Variants in PHACTR2 observed in about 807,000 individuals in gnomAD.
PHACTR2 encodes phosphatase and actin regulator 2.
In PHACTR2, 30 loss-of-function variants were observed where a neutral mutation model predicts 76.0. That is an observed-to-expected ratio of 0.39 (90% CI 0.30 to 0.54). The LOEUF is 0.54. Among genes scored for constraint, PHACTR2 ranks in the 20% least tolerant of loss-of-function variants. PHACTR2 has a pLI of 0.61. For missense variants in PHACTR2, 696 were observed against 781.1 expected (o/e 0.89, Z 1.30); for synonymous variants, 292 against 292.5 (o/e 1.00, Z 0.02).
rs574249874 is a variant in PHACTR2, at chr6:143,619,530, A to T, written c.13+11208A>T. On this transcript the variant is annotated intron_variant, in intron 1 of 11. Coordinates refer to the PHACTR2 transcript ENST00000305766. The surrounding 1 kb of genome is among the most constrained non-coding windows in gnomAD (Gnocchi z 4.5). ...CCCTACTGAAGGGTACACAGTGTTG[A>T]CCTGTACACAAAGAAGCATCTTTCT... is the stretch of plus-strand genomic sequence containing the variant. 1.3e-5 allele frequency among the ~76,000 whole-genome samples: 2 copies of T among 152,206 alleles called. No homozygotes were observed. The highest frequency in any genetic ancestry group is 6.5e-5 in the Admixed American group (1 of 15,288).
rs1054256929 is a variant in PHACTR2 at position 143,784,250 on chromosome 6, A to T, written c.1707+970A>T. 1.3e-5 allele frequency among the ~76,000 whole-genome samples: 2 copies of T among 152,196 alleles called. No individual in the cohort carries two copies. The highest frequency in any genetic ancestry group is 4.8e-5 in the African/African-American group (2 of 41,448). ...GCCTGCCTGCTACAGTGCTACCCAGATTGACAAATGTCTTACCTCCCAAAC... is the reference window on the plus strand; with the variant it reads ...GCCTGCCTGCTACAGTGCTACCCAGTTTGACAAATGTCTTACCTCCCAAAC... On this transcript the variant is annotated intron_variant, in intron 10 of 12. Coordinates refer to ENST00000440869, the MANE Select transcript of PHACTR2 (RefSeq NM_001100164.2). This position sits in a 1 kb window ranked among gnomAD's most constrained non-coding sequence, Gnocchi z 4.5.
intron 1 of PHACTR2, among the ~76,000 whole-genome samples, chr6:143,626,362 C>T (rs904624964): frequency 3.3e-5 from 5 of 151,902 alleles, no homozygotes; most frequent in Non-Finnish European, 7.4e-5. Flanking sequence ...ACGGTGAAAC[C>T]CCGTCTCTAC....
chr6:143,657,670 G>A (rs1265382426), intron 1 of PHACTR2, among the ~76,000 whole-genome samples: 2 of 152,202 alleles, frequency 1.3e-5, no homozygotes, highest in Non-Finnish European at 2.9e-5. Flanking sequence ...GAGCAGATTG[G>A]GGAATAGAGC....
chr6:143,686,891 G>A (rs536756681), intron 1 of PHACTR2, among the ~76,000 whole-genome samples: 2 of 152,118 alleles, frequency 1.3e-5, no homozygotes, highest in Admixed American at 6.5e-5. Context: ...GACCTTGACC[G>A]TAATTAAAGT....
Position 143,824,227 on chromosome 6 carries a change from CA to C in PHACTR2, c.*541del, listed in dbSNP as rs1776489731. 6.4e-6 allele frequency: 1 copy of C among 156,792 alleles called. No homozygotes were observed. The highest frequency in any genetic ancestry group is 2.4e-5 in the African/African-American group (1 of 41,466). The allele number at this position is 156,792 out of a possible 1,614,324, so 9.7% of individuals were successfully genotyped here. ...ATTTAACCTCCTGATGTGGATTCCTCAAAGACTTGATCGGAGAATACTCTTG... is the reference window on the plus strand; with the variant it reads ...ATTTAACCTCCTGATGTGGATTCCTCAAGACTTGATCGGAGAATACTCTTG... On this transcript the variant is annotated 3_prime_UTR_variant, in exon 13 of 13. Transcript: ENST00000440869. The surrounding 1 kb of genome is among the most constrained non-coding windows in gnomAD (Gnocchi z 6.3).
At position 143,819,581 on chromosome 6, in the gene PHACTR2, G is replaced by A. The variant is rs565477232; in HGVS notation, c.1923-4093G>A. 6.6e-6 allele frequency among the ~76,000 whole-genome samples: 1 copy of A among 152,310 alleles called. No individual in the cohort carries two copies. Among genetic ancestry groups the A allele is most frequent in the East Asian group, 1.9e-4 (1 of 5,182 alleles). ...CAAGGCTGGAGGCCTGAGAGCTCGA[G>A]GCAGTGGGGAGTACTGGTGTAAGTT... On this transcript the variant is annotated intron_variant, in intron 12 of 12. Coordinates refer to ENST00000440869, the MANE Select transcript of PHACTR2 (RefSeq NM_001100164.2). The surrounding 1 kb of genome is among the most constrained non-coding windows in gnomAD (Gnocchi z 5.0).
At chr6:143,620,024 T>G (rs1332024395) in intron 1 of PHACTR2, among the ~76,000 whole-genome samples, 1 of 152,168 alleles carries the variant, frequency 6.6e-6, no homozygotes, top group East Asian at 1.9e-4. Flanking sequence ...TAGGGTCACT[T>G]TTTTAAGTTA....
At chr6:143,723,898 C>T (rs1778499373) in intron 2 of PHACTR2, among the ~76,000 whole-genome samples, 1 of 152,118 alleles carries the variant, frequency 6.6e-6, no homozygotes. Flanking sequence ...CCTATTTTTT[C>T]CTCAAAACAT....
chr6:143,719,930 G>A (rs2128463003), intron 2 of PHACTR2, among the ~76,000 whole-genome samples: 1 of 148,352 alleles, frequency 6.7e-6, no homozygotes, highest in Middle Eastern at 3.6e-3. Flanking sequence ...TCCTGCCTCA[G>A]CCTTCTGAGT....
rs1777832134 is a variant in PHACTR2, at chr6:143,698,823, G to A, written c.47-13193G>A. On this transcript the variant is annotated intron_variant, in intron 1 of 12. Transcript: ENST00000440869. This position sits in a 1 kb window ranked among gnomAD's most constrained non-coding sequence, Gnocchi z 4.3. ...GCTGCTCAGTTAATTGTGCATGAAT[G>A]TTTCCGTTCCACAGTGAACACACTT... 6.6e-6 allele frequency among the ~76,000 whole-genome samples: 1 copy of A among 152,192 alleles called. No homozygotes were observed. Among genetic ancestry groups the A allele is most frequent in the South Asian group, 2.1e-4 (1 of 4,828 alleles).
chr6:143,805,239 GGAGGCC>G (rs1776037810), intron 11 of PHACTR2, among the ~76,000 whole-genome samples: 1 of 152,138 alleles, frequency 6.6e-6, no homozygotes, highest in African/African-American at 2.4e-5. Flanking sequence ...CAGCATTTTG[GGAGGCC>G]GAGGCGGGCG....
Position 143,539,858 on chromosome 6 carries a change from C to T in PHACTR2, c.217+2651C>T, listed in dbSNP as rs890625210. Reference sequence around the variant, plus strand: ...ACACTGGTTTTCAAACTTGGCTACACGTAGGAATTGCTTGGGGAGTTAACA... The same window carrying T: ...ACACTGGTTTTCAAACTTGGCTACATGTAGGAATTGCTTGGGGAGTTAACA... On this transcript the variant is annotated intron_variant, in intron 1 of 11. Coordinates refer to the PHACTR2 transcript ENST00000367584. The surrounding 1 kb of genome is among the most constrained non-coding windows in gnomAD (Gnocchi z 4.3). Among the ~76,000 whole-genome samples, 3 of 152,180 alleles carry T rather than the reference C, an allele frequency of 2.0e-5. No homozygotes were observed. Among genetic ancestry groups the T allele is most frequent in the African/African-American group, 7.2e-5 (3 of 41,440 alleles).
Position 143,648,456 on chromosome 6 carries a change from G to A in PHACTR2, c.13+40134G>A, listed in dbSNP as rs769727077. ...TCTCTGCACTGGGAGTCCCTGGGAG[G>A]GGGGGACGAGGAGGAACAGACCAAA... is the stretch of plus-strand genomic sequence containing the variant. On this transcript the variant is annotated intron_variant, in intron 1 of 11. Transcript: ENST00000305766. This position sits in a 1 kb window ranked among gnomAD's most constrained non-coding sequence, Gnocchi z 6.7. Among the ~76,000 whole-genome samples, 2 of 152,138 alleles carry A rather than the reference G, an allele frequency of 1.3e-5. No homozygotes were observed. Among genetic ancestry groups the A allele is most frequent in the Non-Finnish European group, 2.9e-5 (2 of 68,020 alleles).
Position 143,772,507 on chromosome 6 carries a change from C to T in PHACTR2, c.1432+50C>T, listed in dbSNP as rs1205967431. ...GAGGAGCGTGGGTGATAAGCAGAAG[C>T]AGCTGCAGTTTATAAAGAATAAAAG... On this transcript the variant is annotated intron_variant, in intron 7 of 12. Transcript: ENST00000440869. The surrounding 1 kb of genome is among the most constrained non-coding windows in gnomAD (Gnocchi z 5.4). 1.5e-6 allele frequency: 2 copies of T among 1,337,604 alleles called. No homozygotes were observed. The highest frequency in any genetic ancestry group is 1.2e-5 in the South Asian group (1 of 81,942). 82.9% of individuals were successfully genotyped at this position (1,337,604 alleles called of 1,614,324 possible).
chr6:143,734,744 C>G (rs972255868), intron 2 of PHACTR2, among the ~76,000 whole-genome samples: 1 of 152,112 alleles, frequency 6.6e-6, no homozygotes, highest in Non-Finnish European at 1.5e-5. Flanking sequence ...TGGGTTGAGA[C>G]AAAGTGGGTT....
intron 1 of PHACTR2, chr6:143,711,705 A>G: frequency 1.8e-6 from 1 of 544,248 alleles, no homozygotes; most frequent in Non-Finnish European, 3.5e-6. Context: ...TGTACAAAAT[A>G]TTGATGGGGT....
In PHACTR2 at chr6:143,794,935, T is replaced by G. The variant is rs1411472152; in HGVS notation, c.1845+6025T>G. 5.9e-5 allele frequency among the ~76,000 whole-genome samples: 9 copies of G among 152,302 alleles called. No homozygotes were observed. In the East Asian group the frequency reaches 1.7e-3, roughly 29 times the overall value. ...TACCACCTTGCATTTTAAAGAGTAGTAGCCAATCAGTCAGTAATTAATCAA... is the reference window on the plus strand; with the variant it reads ...TACCACCTTGCATTTTAAAGAGTAGGAGCCAATCAGTCAGTAATTAATCAA... On this transcript the variant is annotated intron_variant, in intron 11 of 12. Transcript: ENST00000440869. This position sits in a 1 kb window ranked among gnomAD's most constrained non-coding sequence, Gnocchi z 4.1.
chr6:143,580,192 G>A lies in PHACTR2; in HGVS notation c.217+42985G>A, dbSNP rs1775556096. On this transcript the variant is annotated intron_variant, in intron 1 of 11. Transcript: ENST00000367584. The surrounding 1 kb of genome is among the most constrained non-coding windows in gnomAD (Gnocchi z 4.2). ...AGTGATATCCCATCCCTTTAGAAGG[G>A]AGTCAACTTGGGGCCGGGCGCAGTG... Among the ~76,000 whole-genome samples, 1 of 152,124 alleles carries A rather than the reference G, an allele frequency of 6.6e-6. No individual in the cohort carries two copies. Among genetic ancestry groups the A allele is most frequent in the South Asian group, 2.1e-4 (1 of 4,828 alleles).
chr6:143,651,369 T>C (rs1776761076), intron 1 of PHACTR2, among the ~76,000 whole-genome samples: 1 of 152,150 alleles, frequency 6.6e-6, no homozygotes, highest in Admixed American at 6.5e-5. Flanking sequence ...TAAACCATTC[T>C]GTTATAAAGA....
Sources: gnomAD v4.1 joint callset for allele counts (sites outside exome capture counted in the v4.1 genomes callset) on GRCh38, gnomAD v4.1.1 for gene constraint, Gnocchi (gnomAD v3.1) non-coding constraint, MANE v1.5 for transcripts, NCBI Gene and HGNC (gene_info 2026-07-23, HGNC 2026-07-21) for gene names.